Variants in CCDC3 observed in about 807,000 individuals in gnomAD.
The protein encoded by CCDC3 is coiled-coil domain-containing protein 3.
A neutral mutation model predicts 21.4 loss-of-function variants in CCDC3; 24 were observed. The ratio of observed to expected loss-of-function variants is 1.12; its 90% CI spans 0.81 to 1.58. The LOEUF (loss-of-function observed/expected upper bound fraction) is 1.58. CCDC3 is among the 40% of genes most tolerant of loss of function. The pLI, the probability that CCDC3 is intolerant of heterozygous loss-of-function variation, is 0.00. For synonymous variants in CCDC3, 186 were observed against 166.0 expected (o/e 1.12, Z -0.93); for missense variants, 425 against 360.9 (o/e 1.18, Z -1.44).
rs1836701120 is a variant in CCDC3 at position 13,057,803 on chromosome 10, C to T, written c.-269-7862G>A. The stretch of plus-strand genomic sequence containing the variant: ...GCTGAGGTAGGAGAATCACTTGAAC[C>T]CAGGGAGGCGGAGGTTGCAGTGAGC... On this transcript the variant is annotated intron_variant, in intron 4 of 6. Coordinates refer to the CCDC3 transcript ENST00000378839. 1.1e-5 allele frequency: 3 copies of T among 268,626 alleles called. No individual in the cohort carries two copies. In the South Asian group the frequency reaches 1.5e-4, roughly 13 times the overall value. 16.6% of individuals were successfully genotyped at this position (268,626 alleles called of 1,614,324 possible).
In CCDC3 at chr10:12,898,118, AG is replaced by A. The variant is rs1006898343; in HGVS notation, c.*297del. On this transcript the variant is annotated 3_prime_UTR_variant, in exon 3 of 3. Transcript: ENST00000378825. ...ATTCTAAAATGTTCTCTCCCCAGTC[AG>A]GGCTCTTTCTGGGCTGCTCTGCAGG... is the stretch of plus-strand genomic sequence containing the variant. The A allele has an allele frequency of 1.5e-5, 6 of 412,602 alleles. No homozygotes were observed. The highest frequency in any genetic ancestry group is 4.0e-5 in the African/African-American group (2 of 50,436). The allele number at this position is 412,602 out of a possible 1,614,324, so 25.6% of individuals were successfully genotyped here. A position where few individuals can be genotyped will look rare whatever the true frequency, so the allele number is the denominator to read the frequency against.
rs1835857449 is a variant in CCDC3, at chr10:13,001,625, G to T, written c.-55C>A. The T allele has an allele frequency of 2.8e-6, 3 of 1,069,494 alleles. No individual in the cohort carries two copies. Among genetic ancestry groups the T allele is most frequent in the Non-Finnish European group, 3.4e-6 (3 of 883,308 alleles). The allele number at this position is 1,069,494 out of a possible 1,614,324, so 66.3% of individuals were successfully genotyped here. A position where few individuals can be genotyped will look rare whatever the true frequency, so the allele number is the denominator to read the frequency against. On this transcript the variant is annotated 5_prime_UTR_variant, in exon 1 of 3. Coordinates refer to ENST00000378825, the MANE Select transcript of CCDC3 (RefSeq NM_031455.4). ...CGGCGGGGAGCCCGGGGAGCCCGCC[G>T]GCCCGGGAAGGGCAGCCCTGGGCGC...
chr10:12,986,600 C>A (rs914738439), intron 2 of CCDC3, among the ~76,000 whole-genome samples: 2 of 152,052 alleles, frequency 1.3e-5, no homozygotes, highest in Non-Finnish European at 2.9e-5. Context: ...TGGTGAAACC[C>A]CATCTCCACT....
intron 5 of CCDC3, among the ~76,000 whole-genome samples, chr10:13,009,659 T>C (rs892217323): frequency 2.6e-5 from 4 of 152,190 alleles, no homozygotes; most frequent in African/African-American, 4.8e-5. Flanking sequence ...AGATAATTCA[T>C]TGGAAATTGA....
intron 4 of CCDC3, among the ~76,000 whole-genome samples, chr10:13,061,399 C>G (rs1483319364): frequency 1.3e-5 from 2 of 152,204 alleles, no homozygotes; most frequent in Non-Finnish European, 2.9e-5. Context: ...AGCCTCATCT[C>G]AAAGGTGATG....
intron 2 of CCDC3, among the ~76,000 whole-genome samples, chr10:12,982,150 A>AAAAAAAAAC (rs1564307959): frequency 6.8e-6 from 1 of 146,016 alleles, no homozygotes; most frequent in African/African-American, 2.5e-5. Flanking sequence ...AAAAAAAAAA[A>AAAAAAAAAC]AGTGAGCTAC....
At chr10:12,933,463 T>A (rs1589011919) in intron 2 of CCDC3, among the ~76,000 whole-genome samples, 1 of 151,278 alleles carries the variant, frequency 6.6e-6, no homozygotes, top group Admixed American at 6.6e-5. Flanking sequence ...CCTTTATTTT[T>A]TTTTTTTTTG....
intron 2 of CCDC3, among the ~76,000 whole-genome samples, chr10:12,948,832 C>T (rs932916777): frequency 7.1e-6 from 1 of 140,162 alleles, no homozygotes; most frequent in Admixed American, 8.0e-5. Flanking sequence ...CCCGGGTTCA[C>T]GCCATTCTCC....
chr10:13,058,503 T>A (rs1836712054), intron 4 of CCDC3: 1 of 747,442 alleles, frequency 1.3e-6, no homozygotes, highest in Non-Finnish European at 2.5e-6. Context: ...AAATGATATC[T>A]CTGTTCGTTA....
At chr10:13,072,511 T>C (rs1003136319) in intron 4 of CCDC3, among the ~76,000 whole-genome samples, 1 of 152,176 alleles carries the variant, frequency 6.6e-6, no homozygotes, top group Non-Finnish European at 1.5e-5. Context: ...TGAGGGAACA[T>C]GCCCAGGGCT....
chr10:13,007,138 G>T (rs1835933898), intron 5 of CCDC3, among the ~76,000 whole-genome samples: 1 of 152,166 alleles, frequency 6.6e-6, no homozygotes, highest in Non-Finnish European at 1.5e-5. Context: ...AGATGTTCAA[G>T]GATGCAGTAC....
At chr10:13,015,869 A>G (rs1259409509) in intron 5 of CCDC3, among the ~76,000 whole-genome samples, 2 of 152,056 alleles carry the variant, frequency 1.3e-5, no homozygotes, top group Admixed American at 6.5e-5. Flanking sequence ...AATAAAAAAG[A>G]TACAGTATTT....
At chr10:13,004,462 C>T (rs1040785721), upstream of CCDC3, among the ~76,000 whole-genome samples, 3 of 151,970 alleles carry the variant, frequency 2.0e-5, no homozygotes, top group Non-Finnish European at 4.4e-5. Context: ...ATAAGGTGCC[C>T]CATGAGTCCA....
chr10:12,927,032 A>C (rs969551979), intron 2 of CCDC3, among the ~76,000 whole-genome samples: 1 of 152,226 alleles, frequency 6.6e-6, no homozygotes, highest in Non-Finnish European at 1.5e-5. Context: ...GTATATTAGC[A>C]ACCAAGAAAG....
At chr10:13,023,206 G>A (rs147312015) in intron 5 of CCDC3, among the ~76,000 whole-genome samples, 327 of 152,128 alleles carry the variant, frequency 2.1e-3, no homozygotes, top group Admixed American at 5.0e-3. Flanking sequence ...CCTCCTGTTT[G>A]ACTTATCTAC....
At position 13,034,506 on chromosome 10, in the gene CCDC3, C is replaced by T. The variant is rs1025153322; in HGVS notation, c.-2+15168G>A. Among the ~76,000 whole-genome samples, 4 of 142,280 alleles carry T rather than the reference C, an allele frequency of 2.8e-5. 1 individual carries two copies. The Admixed American group carries it at 3.0e-4, about 11-fold the overall frequency. 93.3% of individuals were successfully genotyped at this position (142,280 alleles called of 152,430 possible). A position where few individuals can be genotyped will look rare whatever the true frequency, so the allele number is the denominator to read the frequency against. ...TAAAGTATAATTTTAAAAAAGAATTCCCCCAAAAGCCTAGATCTTAAAAAA... is the reference window on the plus strand; with the variant it reads ...TAAAGTATAATTTTAAAAAAGAATTTCCCCAAAAGCCTAGATCTTAAAAAA... On this transcript the variant is annotated intron_variant, in intron 5 of 6. Coordinates refer to the CCDC3 transcript ENST00000378839.
intron 2 of CCDC3, among the ~76,000 whole-genome samples, chr10:12,983,130 GTA>G (rs57120940): frequency 1.8e-3 from 52 of 29,070 alleles, no homozygotes; most frequent in African/African-American, 7.1e-3. Flanking sequence ...ATAAAATAGT[GTA>G]TATATATATA....
intron 2 of CCDC3, among the ~76,000 whole-genome samples, chr10:12,946,426 T>A (rs955915700): frequency 8.5e-5 from 13 of 152,132 alleles, no homozygotes; most frequent in African/African-American, 2.9e-4. Context: ...CTAACTAACT[T>A]AGGAGTATTT....
intron 1 of CCDC3, chr10:13,099,481 C>G (rs1056852663): frequency 6.8e-6 from 1 of 147,334 alleles, no homozygotes; most frequent in South Asian, 2.3e-4. Flanking sequence ...ACTCTGGATG[C>G]ACATAGGGCG....
Sources: allele counts gnomAD v4.1 joint callset (sites outside exome capture counted in the v4.1 genomes callset), GRCh38; gene constraint gnomAD v4.1.1; transcripts MANE v1.5; gene names NCBI Gene and HGNC (gene_info 2026-07-23, HGNC 2026-07-21).